The following OPRM1 variants were observed in gnomAD, a reference collection of about 807,000 sequenced individuals.
OPRM1 encodes the protein mu-type opioid receptor.
In OPRM1, 27 loss-of-function variants were observed where a neutral mutation model predicts 31.8. The ratio of observed to expected loss-of-function variants is 0.85; its 90% CI spans 0.63 to 1.17. OPRM1 has a LOEUF of 1.17. Ranked by LOEUF, OPRM1 falls within the 50% of genes most tolerant of loss-of-function variation. OPRM1 has a pLI of 0.00. For synonymous variants in OPRM1, 196 were observed against 189.9 expected (o/e 1.03, Z -0.26); for missense variants, 536 against 511.1 (o/e 1.05, Z -0.47).
chr6:154,091,671 G>A, intron 3 of OPRM1, 199 bp downstream of exon 3: 1 of 1,349,192 alleles, frequency 7.4e-7, no homozygotes, highest in Non-Finnish European at 9.5e-7. Flanking sequence ...ATTCATTTAG[G>A]TATAAAGATA....
At chr6:154,244,191 G>A (rs1203053126) in intron 3 of OPRM1, among the ~76,000 whole-genome samples, 1 of 152,152 alleles carries the variant, frequency 6.6e-6, no homozygotes, top group Non-Finnish European at 1.5e-5. Context: ...TTATTTCACA[G>A]TTGGTGTCCG....
rs34071881 is a variant in OPRM1, at chr6:154,199,798, T to C, written c.1165-46895T>C. 940 of 1,614,226 alleles carry C rather than the reference T, an allele frequency of 5.8e-4. 1 individual carries two copies. In the African/African-American group the frequency reaches 0.011, roughly 19 times the overall value. ...CACTTTCTGATGTGACAAAACTGTT[T>C]TCCAGGGCCTTGTGGATGCCTGCCT... On this transcript the variant is annotated intron_variant, in intron 3 of 3. Coordinates refer to the OPRM1 transcript ENST00000337049.
At chr6:154,020,838 T>C (rs188840627) in intron 1 of OPRM1, among the ~76,000 whole-genome samples, 16 of 152,362 alleles carry the variant, frequency 1.1e-4, no homozygotes, top group Admixed American at 9.8e-4. Flanking sequence ...TCTTCTTTGG[T>C]AAGTTTTTAG....
At chr6:154,032,818 G>C (rs1048870075) in intron 1 of OPRM1, among the ~76,000 whole-genome samples, 5 of 152,226 alleles carry the variant, frequency 3.3e-5, no homozygotes, top group Middle Eastern at 3.2e-3. Flanking sequence ...AGGAACTCAG[G>C]AGATGGTGAT....
At chr6:154,099,956 A>G (rs1794305700) in intron 3 of OPRM1, among the ~76,000 whole-genome samples, 1 of 142,404 alleles carries the variant, frequency 7.0e-6, no homozygotes, top group South Asian at 2.2e-4. Flanking sequence ...CATAACATAT[A>G]TATTATCATA....
intron 1 of OPRM1, among the ~76,000 whole-genome samples, chr6:154,028,373 C>G (rs1206892508): frequency 1.3e-4 from 20 of 152,220 alleles, no homozygotes; most frequent in Non-Finnish European, 4.4e-5. Flanking sequence ...CCTCCCCACT[C>G]TTCCTTCTCC....
intron 3 of OPRM1, among the ~76,000 whole-genome samples, chr6:154,208,849 C>T (rs1250612819): frequency 6.6e-6 from 1 of 152,160 alleles, no homozygotes; most frequent in Non-Finnish European, 1.5e-5. Flanking sequence ...AATTGTCTTC[C>T]AGAGTGAAAC....
At chr6:154,227,716 CAA>C (rs899070819) in intron 3 of OPRM1, among the ~76,000 whole-genome samples, 1 of 150,132 alleles carries the variant, frequency 6.7e-6, no homozygotes, top group Non-Finnish European at 1.5e-5. Flanking sequence ...AAATGTGTCT[CAA>C]AAAAAAATTA....
At chr6:154,202,696 T>C (rs1368454168) in intron 3 of OPRM1, among the ~76,000 whole-genome samples, 1 of 152,178 alleles carries the variant, frequency 6.6e-6, no homozygotes, top group Non-Finnish European at 1.5e-5. Context: ...AAACTCTGCT[T>C]AAAGTATCAA....
At chr6:154,064,923 G>A (rs962476122) in intron 1 of OPRM1, among the ~76,000 whole-genome samples, 1 of 152,110 alleles carries the variant, frequency 6.6e-6, no homozygotes, top group African/African-American at 2.4e-5. Context: ...CAGGAAGTGT[G>A]AGTCCTCTGC....
intron 3 of OPRM1, among the ~76,000 whole-genome samples, chr6:154,169,891 T>C (rs1352685225): frequency 6.6e-6 from 1 of 152,204 alleles, no homozygotes; most frequent in Non-Finnish European, 1.5e-5. Context: ...GTAATCTCTC[T>C]TTTTTCTTAA....
rs1469033239 is a variant in OPRM1 at position 154,168,406 on chromosome 6, G to C, written c.1164+76934G>C. Among the ~76,000 whole-genome samples the C allele has an allele frequency of 6.6e-6, 1 of 151,890 alleles. No individual in the cohort carries two copies. Among genetic ancestry groups the C allele is most frequent in the Non-Finnish European group, 1.5e-5 (1 of 67,976 alleles). On this transcript the variant is annotated intron_variant, in intron 3 of 3. Transcript: ENST00000337049. The surrounding 1 kb of genome is among the most constrained non-coding windows in gnomAD (Gnocchi z 4.1). ...CAGTATAACTCCAATATTCACATGG[G>C]GTGTTCCCTGCATGCATGTCTCTGT...
chr6:154,137,815 C>G (rs1798096488), intron 3 of OPRM1, among the ~76,000 whole-genome samples: 2 of 152,028 alleles, frequency 1.3e-5, no homozygotes, highest in South Asian at 2.1e-4. Context: ...ATGGATAGGA[C>G]AAGAGGGATG....
chr6:154,080,476 A>C (rs993733322), intron 1 of OPRM1, among the ~76,000 whole-genome samples: 3 of 152,240 alleles, frequency 2.0e-5, no homozygotes, highest in African/African-American at 4.8e-5. Flanking sequence ...AATTTCCCAC[A>C]GATTGGCTTC....
At chr6:154,045,486 A>G (rs2128405703) in intron 1 of OPRM1, among the ~76,000 whole-genome samples, 1 of 152,342 alleles carries the variant, frequency 6.6e-6, no homozygotes, top group East Asian at 1.9e-4. Flanking sequence ...GACCAAGAGC[A>G]CTGCTCACCT....
chr6:154,074,714 T>G (rs528151234), intron 1 of OPRM1, among the ~76,000 whole-genome samples: 1 of 150,786 alleles, frequency 6.6e-6, no homozygotes, highest in Non-Finnish European at 1.5e-5. Flanking sequence ...TGAGCTGAGA[T>G]CATACCAGTG....
At chr6:154,029,277 A>T (rs1017078486) in intron 1 of OPRM1, among the ~76,000 whole-genome samples, 1 of 144,650 alleles carries the variant, frequency 6.9e-6, no homozygotes, top group Non-Finnish European at 1.5e-5. Flanking sequence ...TGTTTCCTTT[A>T]AAAAAAAACT....
At chr6:154,097,586 C>CGTGTGT (rs5881063) in intron 3 of OPRM1, among the ~76,000 whole-genome samples, 5,245 of 149,652 alleles carry the variant, frequency 0.035, 126 homozygotes, top group African/African-American at 0.066. Context: ...AAAATGGTTC[C>CGTGTGT]GTGTGTGTGT....
chr6:154,057,756 C>G (rs947181646), intron 1 of OPRM1, among the ~76,000 whole-genome samples: 1 of 152,180 alleles, frequency 6.6e-6, no homozygotes, highest in Non-Finnish European at 1.5e-5. Context: ...GGAAGAAAAT[C>G]TCAGGAGTCA....
Sources: allele counts gnomAD v4.1 joint callset (sites outside exome capture counted in the v4.1 genomes callset), GRCh38; gene constraint gnomAD v4.1.1; non-coding constraint Gnocchi (gnomAD v3.1); transcripts MANE v1.5; gene names NCBI Gene and HGNC (gene_info 2026-07-23, HGNC 2026-07-21).